The following CACNA2D4 variants were observed in gnomAD, a reference collection of about 807,000 sequenced individuals.
The protein encoded by CACNA2D4 is voltage-dependent calcium channel subunit alpha-2/delta-4.
A neutral mutation model predicts 163.8 loss-of-function variants in CACNA2D4; 157 were observed. The ratio of observed to expected loss-of-function variants is 0.96; its 90% CI spans 0.84 to 1.09. The LOEUF (loss-of-function observed/expected upper bound fraction) is 1.09. Among genes scored for constraint, CACNA2D4 ranks in the 50% least tolerant of loss-of-function variants. The probability of loss-of-function intolerance (pLI) is 0.00; values close to 1 mark genes in which losing one functional copy is unlikely to be tolerated. For missense variants in CACNA2D4, 1,410 were observed against 1,479.9 expected, an observed-to-expected ratio of 0.95 and a Z score of 0.78; for synonymous variants, 598 against 586.9, an observed-to-expected ratio of 1.02 and a Z score of -0.27.
At chr12:1,826,650 G>A (rs1350637162) in intron 26 of CACNA2D4, among the ~76,000 whole-genome samples, 1 of 152,206 alleles carries the variant, frequency 6.6e-6, no homozygotes, top group Non-Finnish European at 1.5e-5. Flanking sequence ...CGTGGGGGAA[G>A]GGGAGGAAAG....
intron 18 of CACNA2D4, among the ~76,000 whole-genome samples, chr12:1,864,478 C>T (rs890837232): frequency 1.3e-5 from 2 of 152,234 alleles, no homozygotes; most frequent in African/African-American, 2.4e-5. Context: ...TTTGATGAAG[C>T]ACATTTGAGA....
chr12:1,898,932 G>A (rs1175933944), intron 6 of CACNA2D4, among the ~76,000 whole-genome samples: 1 of 152,124 alleles, frequency 6.6e-6, no homozygotes, highest in Non-Finnish European at 1.5e-5. Flanking sequence ...GGGGGGAGAA[G>A]AGAATGGAGA....
Position 1,844,376 on chromosome 12 carries a change from C to T in CACNA2D4, c.2470+26G>A. The T allele has an allele frequency of 6.2e-7, 1 of 1,611,276 alleles. No individual in the cohort carries two copies. Among genetic ancestry groups the T allele is most frequent in the Non-Finnish European group, 8.5e-7 (1 of 1,178,808 alleles). On this transcript the variant is annotated intron_variant, in intron 25 of 37. Coordinates refer to ENST00000382722, the MANE Select transcript of CACNA2D4 (RefSeq NM_172364.5). The surrounding 1 kb of genome is among the most constrained non-coding windows in gnomAD (Gnocchi z 4.2). The stretch of plus-strand genomic sequence containing the variant: ...GAGACTGGCCTGAGACTGGCCCAGC[C>T]CCGGGAGCACCGGGCTGTGTGTTAC...
intron 29 of CACNA2D4, among the ~76,000 whole-genome samples, chr12:1,805,039 ACCGC>A (rs775460178): frequency 6.6e-6 from 1 of 152,072 alleles, no homozygotes; most frequent in Non-Finnish European, 1.5e-5. Context: ...GGAGCCCCAG[ACCGC>A]CCGTGGAGTG....
chr12:1,918,236 G>A lies in CACNA2D4; in HGVS notation c.227+11C>T, dbSNP rs75470223. ...CCGGGTTTTTGGGGTGGGGTTGAACGTGATGCTTACGTTTCCAGAGGAATC... is the reference window on the plus strand; with the variant it reads ...CCGGGTTTTTGGGGTGGGGTTGAACATGATGCTTACGTTTCCAGAGGAATC... On this transcript the variant is annotated intron_variant, in intron 1 of 37. Transcript: ENST00000382722. 595 of 1,589,154 alleles carry A rather than the reference G, an allele frequency of 3.7e-4. 4 individuals are homozygous for A. The East Asian group carries it at 0.013, about 35-fold the overall frequency.
intron 26 of CACNA2D4, among the ~76,000 whole-genome samples, chr12:1,814,589 C>T (rs1432385720): frequency 6.6e-6 from 1 of 152,244 alleles, no homozygotes; most frequent in Non-Finnish European, 1.5e-5. Context: ...CTTGAGACTT[C>T]TCCATTTCAG....
intron 18 of CACNA2D4, among the ~76,000 whole-genome samples, chr12:1,863,219 T>C (rs1865561728): frequency 6.6e-6 from 1 of 152,214 alleles, no homozygotes; most frequent in African/African-American, 2.4e-5. Context: ...GGTGTCTTGA[T>C]TGAAAAATCA....
At chr12:1,819,026 G>A (rs181403831) in intron 26 of CACNA2D4, among the ~76,000 whole-genome samples, 1 of 150,196 alleles carries the variant, frequency 6.7e-6, no homozygotes, top group East Asian at 1.9e-4. Flanking sequence ...AAGGAAAGGA[G>A]ATGAAGCAGA....
At chr12:1,849,084 G>A (rs1178425275) in intron 23 of CACNA2D4, among the ~76,000 whole-genome samples, 1 of 152,150 alleles carries the variant, frequency 6.6e-6, no homozygotes, top group Non-Finnish European at 1.5e-5. Context: ...CCCTGTCCTG[G>A]AATCAGACAT....
At chr12:1,886,127 G>A in intron 8 of CACNA2D4, 88 bp from the exon 9 acceptor site, 2 of 1,536,278 alleles carry the variant, frequency 1.3e-6, no homozygotes, top group Non-Finnish European at 1.8e-6. Flanking sequence ...CACTCATGCA[G>A]GTCACCGGGT....
Position 1,828,435 on chromosome 12 carries a change from G to A in CACNA2D4, c.2551+12304C>T, listed in dbSNP as rs967024988. Among the ~76,000 whole-genome samples, 1 of 152,226 alleles carries A rather than the reference G, an allele frequency of 6.6e-6. No individual in the cohort carries two copies. Among genetic ancestry groups the A allele is most frequent in the Non-Finnish European group, 1.5e-5 (1 of 68,022 alleles). On this transcript the variant is annotated intron_variant, in intron 26 of 37. Coordinates refer to ENST00000382722, the MANE Select transcript of CACNA2D4 (RefSeq NM_172364.5). The surrounding 1 kb of genome is among the most constrained non-coding windows in gnomAD (Gnocchi z 4.2). ...GTCACCGCTGAGTGCTGAGTGGTTA[G>A]ACCTGGAGCTGGAGGCCACGACAGT... is the stretch of plus-strand genomic sequence containing the variant.
chr12:1,826,610 G>A (rs999352433), intron 26 of CACNA2D4, among the ~76,000 whole-genome samples: 17 of 152,194 alleles, frequency 1.1e-4, no homozygotes, highest in Non-Finnish European at 1.6e-4. Flanking sequence ...CAACGCCTGC[G>A]GGGCCTTCGG....
At chr12:1,894,122 C>A (rs2154450152) in intron 6 of CACNA2D4, among the ~76,000 whole-genome samples, 1 of 152,112 alleles carries the variant, frequency 6.6e-6, no homozygotes, top group Admixed American at 6.5e-5. Context: ...TACACTAAGA[C>A]AAACTGGAAA....
intron 26 of CACNA2D4, among the ~76,000 whole-genome samples, chr12:1,818,360 C>A (rs538647590): frequency 2.0e-5 from 3 of 151,938 alleles, no homozygotes; most frequent in Non-Finnish European, 4.4e-5. Context: ...ATTGAGAAAT[C>A]GGATGGTTGC....
At chr12:1,886,196 T>A (rs778012566) in intron 8 of CACNA2D4, 27 bp downstream of exon 8, 3 of 1,609,058 alleles carry the variant, frequency 1.9e-6, no homozygotes, top group East Asian at 4.5e-5. Flanking sequence ...AAGTGAGAGC[T>A]ATTCTAGAAC....
chr12:1,830,978 C>T (rs1864598042), intron 26 of CACNA2D4: 2 of 1,613,598 alleles, frequency 1.2e-6, no homozygotes, highest in South Asian at 1.1e-5. Flanking sequence ...AGGCCCTCCC[C>T]ACCTGCCCTT....
intron 29 of CACNA2D4, among the ~76,000 whole-genome samples, chr12:1,809,885 G>T (rs1318321315): frequency 1.3e-5 from 2 of 151,754 alleles, no homozygotes; most frequent in Non-Finnish European, 2.9e-5. Context: ...AGAAAGGCAG[G>T]CGGGGGTTGG....
intron 26 of CACNA2D4, among the ~76,000 whole-genome samples, chr12:1,816,015 C>T (rs762013483): frequency 3.9e-5 from 6 of 152,188 alleles, no homozygotes; most frequent in Non-Finnish European, 8.8e-5. Flanking sequence ...CATCCCCTGG[C>T]TTGCATCATA....
intron 1 of CACNA2D4, chr12:1,915,366 C>T: frequency 1.5e-6 from 1 of 647,848 alleles, no homozygotes; most frequent in Non-Finnish European, 2.8e-6. Context: ...CCCAAGCTTC[C>T]AGGGCCTCTG....
Sources: gnomAD v4.1 joint callset for allele counts (sites outside exome capture counted in the v4.1 genomes callset) on GRCh38, gnomAD v4.1.1 for gene constraint, Gnocchi (gnomAD v3.1) non-coding constraint, MANE v1.5 for transcripts, NCBI Gene and HGNC (gene_info 2026-07-23, HGNC 2026-07-21) for gene names.